The following VRK3 variants were observed in gnomAD, a reference collection of about 807,000 sequenced individuals.
VRK3 encodes VRK serine/threonine kinase 3.
VRK3 carries 50 observed loss-of-function variants against 60.4 expected under a neutral mutation model. The observed-to-expected ratio is 0.83, with a 90% CI of 0.66 to 1.05. The LOEUF (loss-of-function observed/expected upper bound fraction) is 1.05. Among genes scored for constraint, VRK3 ranks in the 50% least tolerant of loss-of-function variants. The pLI, the probability that VRK3 is intolerant of heterozygous loss-of-function variation, is 0.00. For missense variants in VRK3, 549 were observed against 585.3 expected (o/e 0.94, Z 0.64); for synonymous variants, 246 against 227.8 (o/e 1.08, Z -0.72).
At chr19:50,000,647 G>C (rs11882190) in intron 6 of VRK3, 143 bp downstream of exon 6, 2 of 945,528 alleles carry the variant, frequency 2.1e-6, no homozygotes, top group African/African-American at 1.7e-5. Context: ...CGCCTGCCCC[G>C]CCCACGGTCT....
chr19:50,014,864 C>T (rs114343540), intron 3 of VRK3, among the ~76,000 whole-genome samples: 4 of 152,092 alleles, frequency 2.6e-5, no homozygotes, highest in East Asian at 1.9e-4. Context: ...CTGGTGGCTG[C>T]GTGAAGACGA....
At chr19:49,982,189 C>T in intron 12 of VRK3, 3 of 702,932 alleles carry the variant, frequency 4.3e-6, no homozygotes, top group Non-Finnish European at 7.8e-6. Flanking sequence ...CCAAGGCAAC[C>T]TGAAATGATA....
intron 6 of VRK3, chr19:50,000,469 G>A: frequency 2.5e-6 from 1 of 396,738 alleles, no homozygotes; most frequent in Non-Finnish European, 4.7e-6. Flanking sequence ...GTGGTAGGGG[G>A]CAGATGGGCC....
intron 10 of VRK3, among the ~76,000 whole-genome samples, chr19:49,990,026 A>T (rs12463208): frequency 0.18 from 26,960 of 148,132 alleles, 2,589 homozygotes; most frequent in East Asian, 0.36. Context: ...TCATTCCAAA[A>T]TTTTTTTTTT....
At chr19:50,009,444 T>G in intron 3 of VRK3, 59 bp from the exon 4 acceptor site, 2 of 1,594,256 alleles carry the variant, frequency 1.3e-6, no homozygotes, top group South Asian at 2.3e-5. Flanking sequence ...GCAGGCACCA[T>G]TGGACTGGGA....
chr19:49,999,713 G>C (rs549636949), intron 6 of VRK3: 1 of 152,332 alleles, frequency 6.6e-6, no homozygotes, highest in Admixed American at 6.5e-5. Flanking sequence ...TCCAGGGCTG[G>C]GCCTGGGGCC....
chr19:50,017,498 C>T (rs1265434346), intron 2 of VRK3, among the ~76,000 whole-genome samples: 2 of 142,608 alleles, frequency 1.4e-5, no homozygotes, highest in African/African-American at 2.6e-5. Flanking sequence ...CACTTGAACC[C>T]GGGAGGCAGA....
chr19:50,001,694 G>A (rs2076809788), intron 5 of VRK3, among the ~76,000 whole-genome samples: 1 of 152,150 alleles, frequency 6.6e-6, no homozygotes, highest in African/African-American at 2.4e-5. Flanking sequence ...TGTGCTAAGT[G>A]TGGGCTTCAC....
intron 1 of VRK3, among the ~76,000 whole-genome samples, chr19:50,023,279 G>C (rs192891851): frequency 1.2e-4 from 19 of 152,260 alleles, no homozygotes; most frequent in African/African-American, 4.1e-4. Flanking sequence ...TCTGCCTCCC[G>C]AGTTCAAGTG....
In VRK3 at chr19:49,989,089, T is replaced by G. The variant is rs564336998; in HGVS notation, c.1096+550A>C. ...CACCACCCGATGCTGGAGGCAGGGG[T>G]GCCATCCCTGTACTGGGGGAGCTCA... is the stretch of plus-strand genomic sequence containing the variant. On this transcript the variant is annotated intron_variant, in intron 11 of 14. Transcript: ENST00000316763. 1.1e-4 allele frequency among the ~76,000 whole-genome samples: 17 copies of G among 152,184 alleles called. No individual in the cohort carries two copies. The South Asian group carries it at 1.2e-3, about 11-fold the overall frequency.
chr19:50,014,746 G>A (rs2077047342), intron 3 of VRK3, among the ~76,000 whole-genome samples: 1 of 152,180 alleles, frequency 6.6e-6, no homozygotes, highest in Non-Finnish European at 1.5e-5. Context: ...AATAGCAGGA[G>A]GGTCGGGAGG....
At chr19:50,013,908 G>A (rs1184916181) in intron 3 of VRK3, among the ~76,000 whole-genome samples, 3 of 152,322 alleles carry the variant, frequency 2.0e-5, no homozygotes, top group African/African-American at 4.8e-5. Flanking sequence ...TGCATAGAGG[G>A]AAGATGCAAC....
chr19:50,009,378 C>CT lies in VRK3; in HGVS notation c.146dup (p.Arg50GlufsTer8). 1 of 1,613,626 alleles carries CT rather than the reference C, an allele frequency of 6.2e-7. No homozygotes were observed. The highest frequency in any genetic ancestry group is 1.1e-5 in the South Asian group (1 of 91,054). ...TTTCAAAACTGGAGTTCAGCCCTCT[C>CT]TTTGAGCCTAAAGAAAGGCAGACAA... On this transcript the variant is annotated frameshift_variant, in exon 4 of 15. Transcript: ENST00000316763. LOFTEE classifies it high-confidence loss of function.
intron 5 of VRK3, among the ~76,000 whole-genome samples, chr19:50,001,634 C>T (rs1367395962): frequency 6.6e-6 from 1 of 152,230 alleles, no homozygotes; most frequent in Non-Finnish European, 1.5e-5. Flanking sequence ...ACAGAGCCTG[C>T]TCCAGTAGCC....
At position 50,016,597 on chromosome 19, in the gene VRK3, G is replaced by A. The variant is rs887938530; in HGVS notation, c.-1-434C>T. 2.0e-5 allele frequency among the ~76,000 whole-genome samples: 3 copies of A among 152,174 alleles called. No homozygotes were observed. The East Asian group carries it at 5.8e-4, about 29-fold the overall frequency. On this transcript the variant is annotated intron_variant, in intron 2 of 14. Coordinates refer to ENST00000316763, the MANE Select transcript of VRK3 (RefSeq NM_016440.4). Reference sequence around the variant, plus strand: ...CCTCATGATCAACAAATACACTTCTGCTGTATTGAGCCACCAAGATTTCAG... The same window carrying A: ...CCTCATGATCAACAAATACACTTCTACTGTATTGAGCCACCAAGATTTCAG...
chr19:49,999,794 C>G (rs1205579024), intron 6 of VRK3: 3 of 152,252 alleles, frequency 2.0e-5, no homozygotes, highest in African/African-American at 7.2e-5. Context: ...GAGAGCAAGG[C>G]TGTATTTCTA....
intron 12 of VRK3, among the ~76,000 whole-genome samples, chr19:49,983,958 G>A (rs905876733): frequency 6.6e-6 from 1 of 152,154 alleles, no homozygotes; most frequent in Non-Finnish European, 1.5e-5. Flanking sequence ...GTTGTGGTCT[G>A]GAGCTGGGGC....
chr19:50,022,835 G>A (rs1420482516), intron 1 of VRK3, among the ~76,000 whole-genome samples: 1 of 152,076 alleles, frequency 6.6e-6, no homozygotes, highest in Non-Finnish European at 1.5e-5. Context: ...GTCAGACCCT[G>A]TCCCTCCTCT....
At chr19:50,013,999 G>C (rs1037447165) in intron 3 of VRK3, among the ~76,000 whole-genome samples, 2 of 152,188 alleles carry the variant, frequency 1.3e-5, no homozygotes, top group African/African-American at 4.8e-5. Context: ...GGGCGCAGTG[G>C]CTCATGACTG....
Sources: allele counts gnomAD v4.1 joint callset (sites outside exome capture counted in the v4.1 genomes callset), GRCh38; gene constraint gnomAD v4.1.1; transcripts MANE v1.5; gene names NCBI Gene and HGNC (gene_info 2026-07-23, HGNC 2026-07-21).